The following KCNQ2 variants were observed in gnomAD, a reference collection of about 807,000 sequenced individuals.
The protein encoded by KCNQ2 is potassium voltage-gated channel subfamily KQT member 2.
A neutral mutation model predicts 84.8 loss-of-function variants in KCNQ2; 14 were observed. The observed-to-expected ratio is 0.17, with a 90% CI of 0.11 to 0.26. KCNQ2 has a LOEUF of 0.26. Among genes scored for constraint, KCNQ2 ranks in the 10% least tolerant of loss-of-function variants. The pLI, the probability that KCNQ2 is intolerant of heterozygous loss-of-function variation, is 1.00. For synonymous variants in KCNQ2, 599 were observed against 554.1 expected, an observed-to-expected ratio of 1.08 and a Z score of -1.14; for missense variants, 788 against 1,254.0, an observed-to-expected ratio of 0.63 and a Z score of 5.61.
At chr20:63,453,396 C>T (rs549683211) in intron 1 of KCNQ2, among the ~76,000 whole-genome samples, 4 of 152,344 alleles carry the variant, frequency 2.6e-5, no homozygotes, top group Non-Finnish European at 4.4e-5. Flanking sequence ...TTCCAAGCCG[C>T]GATTAATTTC....
chr20:63,468,579 C>T (rs772912366), intron 1 of KCNQ2, among the ~76,000 whole-genome samples: 10 of 152,200 alleles, frequency 6.6e-5, no homozygotes, highest in Non-Finnish European at 7.3e-5. Flanking sequence ...GCCCCGGCAC[C>T]GGGGGACTTG....
In KCNQ2 at chr20:63,460,842, C is replaced by T. The variant is rs975782992; in HGVS notation, c.296+11326G>A. 2.2e-4 allele frequency: 33 copies of T among 152,276 alleles called. No individual in the cohort carries two copies. Among genetic ancestry groups the T allele is most frequent in the African/African-American group, 8.0e-4 (33 of 41,462 alleles). 9.4% of individuals were successfully genotyped at this position (152,276 alleles called of 1,614,324 possible). On this transcript the variant is annotated intron_variant, in intron 1 of 16. Transcript: ENST00000359125. This position sits in a 1 kb window ranked among gnomAD's most constrained non-coding sequence, Gnocchi z 5.4. The stretch of plus-strand genomic sequence containing the variant: ...TCGACATCCACGCAGGGACACCACA[C>T]AACACAGGGACTCTGCCGTCATCCA...
chr20:63,438,335 C>T lies in KCNQ2; in HGVS notation c.1023+290G>A. The T allele has an allele frequency of 1.9e-6, 1 of 530,344 alleles. No homozygotes were observed. Among genetic ancestry groups the T allele is most frequent in the South Asian group, 2.0e-5 (1 of 49,522 alleles). The allele number at this position is 530,344 out of a possible 1,614,324, so 32.9% of individuals were successfully genotyped here. On this transcript the variant is annotated intron_variant, in intron 7 of 16. Transcript: ENST00000359125. This position sits in a 1 kb window ranked among gnomAD's most constrained non-coding sequence, Gnocchi z 5.1. ...TGCAGCTGCAGAACGGGTGTGCTCA[C>T]CTCCCAGGGTGCGGTAGAGAGGACC...
chr20:63,419,405 G>A (rs918689539), intron 12 of KCNQ2, among the ~76,000 whole-genome samples: 5 of 152,238 alleles, frequency 3.3e-5, no homozygotes, highest in Admixed American at 6.5e-5. Context: ...ATCGCCTGGC[G>A]TGGGGAGCAA....
intron 11 of KCNQ2, among the ~76,000 whole-genome samples, chr20:63,420,563 C>T (rs896563140): frequency 4.6e-5 from 7 of 151,824 alleles, no homozygotes; most frequent in Admixed American, 4.6e-4. Context: ...AACACACAGG[C>T]TCTAGGAAGA....
At chr20:63,424,314 G>A (rs908850590) in intron 10 of KCNQ2, 108 bp from the exon 11 acceptor site, 2 of 1,308,086 alleles carry the variant, frequency 1.5e-6, no homozygotes, top group African/African-American at 2.9e-5. Context: ...CTGCAGGGGA[G>A]GGGGGTCTCA....
chr20:63,470,153 G>C (rs2082179053), intron 1 of KCNQ2, among the ~76,000 whole-genome samples: 1 of 152,316 alleles, frequency 6.6e-6, no homozygotes, highest in South Asian at 2.1e-4. Flanking sequence ...CCGCCGCTTA[G>C]AAAAAATCCC....
At chr20:63,428,137 C>T (rs2080685679) in intron 10 of KCNQ2, among the ~76,000 whole-genome samples, 1 of 152,148 alleles carries the variant, frequency 6.6e-6, no homozygotes, top group African/African-American at 2.4e-5. Flanking sequence ...AACCTTCGCC[C>T]CTCCCTCTCT....
intron 1 of KCNQ2, among the ~76,000 whole-genome samples, chr20:63,447,855 C>T (rs960652025): frequency 6.6e-6 from 1 of 152,192 alleles, no homozygotes; most frequent in Non-Finnish European, 1.5e-5. Context: ...CCTCGGCCCC[C>T]CAAAGGGCTG....
chr20:63,434,000 C>CA, intron 7 of KCNQ2, 97 bp from the exon 8 acceptor site: 1 of 1,036,774 alleles, frequency 9.6e-7, no homozygotes, highest in South Asian at 1.4e-5. Flanking sequence ...AGGGGACCCC[C>CA]ATGCTGTAGG....
intron 4 of KCNQ2, among the ~76,000 whole-genome samples, chr20:63,443,185 TCACCACCACCAC>T (rs201627426): frequency 4.6e-5 from 3 of 65,574 alleles, no homozygotes; most frequent in Non-Finnish European, 8.9e-5. Context: ...ACCATCACCA[TCACCACCACCAC>T]CACCATCACC....
At chr20:63,447,002 C>T (rs1219445771) in intron 1 of KCNQ2, among the ~76,000 whole-genome samples, 165 bp from the exon 2 acceptor site, 3 of 151,220 alleles carry the variant, frequency 2.0e-5, no homozygotes, top group Non-Finnish European at 1.5e-5. Context: ...CACCAGAGCT[C>T]GCTCGGGCCA....
At chr20:63,452,998 G>C (rs983284518) in intron 1 of KCNQ2, among the ~76,000 whole-genome samples, 4 of 152,208 alleles carry the variant, frequency 2.6e-5, no homozygotes, top group Non-Finnish European at 2.9e-5. Flanking sequence ...AGCTCAAAGC[G>C]CAGCACCGCG....
At chr20:63,451,712 C>G (rs1394579053) in intron 1 of KCNQ2, among the ~76,000 whole-genome samples, 1 of 151,972 alleles carries the variant, frequency 6.6e-6, no homozygotes, top group Admixed American at 6.6e-5. Flanking sequence ...TGCCCGGACC[C>G]AGTCATCTCC....
intron 1 of KCNQ2, among the ~76,000 whole-genome samples, chr20:63,457,730 C>T (rs1159443227): frequency 6.6e-6 from 1 of 152,248 alleles, no homozygotes; most frequent in Non-Finnish European, 1.5e-5. Flanking sequence ...GACCCCCAGC[C>T]CCCTGCATTG....
chr20:63,462,157 G>A (rs1489606276), intron 1 of KCNQ2, among the ~76,000 whole-genome samples: 4 of 138,204 alleles, frequency 2.9e-5, no homozygotes, highest in East Asian at 2.2e-4. Context: ...GCAGGGAGGA[G>A]GCTGCACCTA....
chr20:63,449,960 C>T (rs1475197877), intron 1 of KCNQ2, among the ~76,000 whole-genome samples: 1 of 152,078 alleles, frequency 6.6e-6, no homozygotes, highest in African/African-American at 2.4e-5. Flanking sequence ...CAGACCCCGT[C>T]CCGCACCATC....
In KCNQ2 at chr20:63,406,756, T is replaced by C. The variant is rs1314403193; in HGVS notation, c.2507A>G (p.Glu836Gly). 6.2e-7 allele frequency: 1 copy of C among 1,612,222 alleles called. No homozygotes were observed. The highest frequency in any genetic ancestry group is 8.5e-7 in the Non-Finnish European group (1 of 1,179,740). Residue 836 changes from glutamate (E) to glycine (G), a missense_variant, in exon 17 of 17, where the codon GAG (glutamate) becomes GGG (glycine). By Grantham distance (98) the Glu-to-Gly change is moderately conservative. Transcript: ENST00000359125. ...GTCGGAGTCGGTGTCTGACTCTCCCTCCGCAATGTAGGGCCTGACTTTGGC... is the reference window on the plus strand; with the variant it reads ...GTCGGAGTCGGTGTCTGACTCTCCCCCCGCAATGTAGGGCCTGACTTTGGC... ...PCAKVRPYIAEGESDTDSDLC... is the reference protein window; with the variant it reads ...PCAKVRPYIAGGESDTDSDLC...
At chr20:63,421,054 A>C (rs2080456895) in intron 11 of KCNQ2, among the ~76,000 whole-genome samples, 1 of 152,010 alleles carries the variant, frequency 6.6e-6, no homozygotes, top group Non-Finnish European at 1.5e-5. Context: ...CCCAGGCCCA[A>C]GCACAGAGCC....
Sources: gnomAD v4.1 joint callset for allele counts (sites outside exome capture counted in the v4.1 genomes callset) on GRCh38, gnomAD v4.1.1 for gene constraint, Gnocchi (gnomAD v3.1) non-coding constraint, MANE v1.5 for transcripts, NCBI Gene and HGNC (gene_info 2026-07-23, HGNC 2026-07-21) for gene names.